ABLIM2: variants seen among roughly 807,000 people sequenced by gnomAD.
ABLIM2 encodes the protein actin-binding LIM protein 2.
A neutral mutation model predicts 97.7 loss-of-function variants in ABLIM2; 53 were observed. The observed-to-expected ratio is 0.54, with a 90% CI of 0.44 to 0.68. The LOEUF (loss-of-function observed/expected upper bound fraction) is 0.68. Ranked by LOEUF, ABLIM2 falls within the 30% of genes least tolerant of loss-of-function variation. ABLIM2 has a pLI of 0.00. For missense variants in ABLIM2, 835 were observed against 867.2 expected (o/e 0.96, Z 0.47); for synonymous variants, 361 against 345.8 (o/e 1.04, Z -0.49).
chr4:8,147,585 T>G lies in ABLIM2; in HGVS notation c.10+11095A>C, dbSNP rs1286336323. On this transcript the variant is annotated intron_variant, in intron 1 of 20. Transcript: ENST00000447017. This position sits in a 1 kb window ranked among gnomAD's most constrained non-coding sequence, Gnocchi z 5.3. Reference sequence around the variant, plus strand: ...GGAGACGACACACACAGGGGAGAAGTAGCATGAAGATGGAGCTGAGGGAGG... The same window carrying G: ...GGAGACGACACACACAGGGGAGAAGGAGCATGAAGATGGAGCTGAGGGAGG... 6.6e-6 allele frequency among the ~76,000 whole-genome samples: 1 copy of G among 152,100 alleles called. No individual in the cohort carries two copies. The highest frequency in any genetic ancestry group is 1.9e-4 in the East Asian group (1 of 5,192).
intron 9 of ABLIM2, among the ~76,000 whole-genome samples, chr4:8,036,809 G>A (rs1435001884): frequency 2.6e-5 from 4 of 152,162 alleles, no homozygotes; most frequent in African/African-American, 9.7e-5. Context: ...ATGTGTACAT[G>A]CACGCACACG....
rs1813292968 is a variant in ABLIM2 at position 8,072,962 on chromosome 4, A to G, written c.675+4666T>C. Among the ~76,000 whole-genome samples the G allele has an allele frequency of 1.3e-5, 2 of 152,106 alleles. No homozygotes were observed. The highest frequency in any genetic ancestry group is 2.1e-4 in the South Asian group (1 of 4,830). ...GGATCTGCAGAAGAGCAGGGAGAGT[A>G]CAGGTGGAGGAGCACAGAGAGGGTC... On this transcript the variant is annotated intron_variant, in intron 6 of 20. Transcript: ENST00000447017. This position sits in a 1 kb window ranked among gnomAD's most constrained non-coding sequence, Gnocchi z 5.8.
At chr4:8,010,818 C>A (rs74653659) in intron 14 of ABLIM2, 1 of 155,648 alleles carries the variant, frequency 6.4e-6, no homozygotes, top group African/African-American at 2.4e-5. Context: ...AGACAACAGC[C>A]GTCACCCGGC....
chr4:7,977,612 A>G (rs968310345), intron 20 of ABLIM2, among the ~76,000 whole-genome samples: 1 of 152,012 alleles, frequency 6.6e-6, no homozygotes, highest in African/African-American at 2.4e-5. Flanking sequence ...CACCATGGTG[A>G]AACCCCATCT....
At chr4:8,107,110 G>A (rs556357447) in intron 1 of ABLIM2, among the ~76,000 whole-genome samples, 7 of 152,240 alleles carry the variant, frequency 4.6e-5, no homozygotes, top group African/African-American at 9.6e-5. Flanking sequence ...CAGCAGCCAC[G>A]GTCCTCAGGG....
chr4:8,128,166 C>T lies in ABLIM2; in HGVS notation c.11-21529G>A, dbSNP rs1174782139. Among the ~76,000 whole-genome samples, 1 of 152,208 alleles carries T rather than the reference C, an allele frequency of 6.6e-6. No individual in the cohort carries two copies. Among genetic ancestry groups the T allele is most frequent in the Non-Finnish European group, 1.5e-5 (1 of 68,034 alleles). ...TCAGGGCTCCTGTTTCTGCCCCCACCTTCACAGGCCGTCTTCCCTGTGTGT... is the reference window on the plus strand; with the variant it reads ...TCAGGGCTCCTGTTTCTGCCCCCACTTTCACAGGCCGTCTTCCCTGTGTGT... On this transcript the variant is annotated intron_variant, in intron 1 of 20. Transcript: ENST00000447017. This position sits in a 1 kb window ranked among gnomAD's most constrained non-coding sequence, Gnocchi z 4.9.
At chr4:8,062,526 G>T (rs1803968888) in intron 6 of ABLIM2, among the ~76,000 whole-genome samples, 1 of 150,586 alleles carries the variant, frequency 6.6e-6, no homozygotes, top group African/African-American at 2.5e-5. Flanking sequence ...TGCAAGCTCT[G>T]CCCCCCAGGT....
chr4:8,137,582 T>C (rs1040221431), intron 1 of ABLIM2, among the ~76,000 whole-genome samples: 3 of 151,980 alleles, frequency 2.0e-5, no homozygotes, highest in Non-Finnish European at 4.4e-5. Flanking sequence ...GCACAGGCGG[T>C]GGTGAAGAAG....
Position 8,044,686 on chromosome 4 carries a change from T to TCG in ABLIM2, c.900+477_900+478insCG, listed in dbSNP as rs1791073243. ...CACACAGAGTCTCTCTCTCTCTCTC[T>TCG]CTCTCGAACGAACGAAAACGGGATC... On this transcript the variant is annotated intron_variant, in intron 9 of 20. Coordinates refer to ENST00000447017, the MANE Select transcript of ABLIM2 (RefSeq NM_001130083.2). This position sits in a 1 kb window ranked among gnomAD's most constrained non-coding sequence, Gnocchi z 4.4. Among the ~76,000 whole-genome samples, 1 of 151,014 alleles carries TCG rather than the reference T, an allele frequency of 6.6e-6. No individual in the cohort carries two copies. Among genetic ancestry groups the TCG allele is most frequent in the Non-Finnish European group, 1.5e-5 (1 of 67,826 alleles).
chr4:8,090,690 G>A (rs761338141), intron 3 of ABLIM2, among the ~76,000 whole-genome samples: 2 of 152,102 alleles, frequency 1.3e-5, no homozygotes, highest in Non-Finnish European at 1.5e-5. Flanking sequence ...CACTGTCACC[G>A]TGCATTAGAT....
At chr4:8,108,771 T>C (rs1105615) in intron 1 of ABLIM2, among the ~76,000 whole-genome samples, 124,390 of 152,270 alleles carry the variant, frequency 0.82, 50,982 homozygotes, top group Non-Finnish European at 0.84. Context: ...CTTGCCTGCC[T>C]GTGTGGGCAA....
chr4:8,078,733 A>T (rs6850525), intron 5 of ABLIM2, among the ~76,000 whole-genome samples: 95,456 of 152,070 alleles, frequency 0.63, 30,611 homozygotes, highest in Middle Eastern at 0.71. Context: ...AGCTTCCCCA[A>T]CTGCATAATG....
intron 14 of ABLIM2, among the ~76,000 whole-genome samples, chr4:8,009,996 T>G (rs1057377395): frequency 6.6e-6 from 1 of 152,188 alleles, no homozygotes; most frequent in Non-Finnish European, 1.5e-5. Context: ...GCTGGCAAAC[T>G]GCAAAATGGT....
rs944548165 is a variant in ABLIM2, at chr4:8,046,098, C to T, written c.823-857G>A. Among the ~76,000 whole-genome samples, 2 of 152,170 alleles carry T rather than the reference C, an allele frequency of 1.3e-5. No individual in the cohort carries two copies. Among genetic ancestry groups the T allele is most frequent in the African/African-American group, 2.4e-5 (1 of 41,420 alleles). On this transcript the variant is annotated intron_variant, in intron 8 of 20. Coordinates refer to ENST00000447017, the MANE Select transcript of ABLIM2 (RefSeq NM_001130083.2). The surrounding 1 kb of genome is among the most constrained non-coding windows in gnomAD (Gnocchi z 4.4). ...ACTGCACCTGTGGGCTTGTCCTGGC[C>T]TTTTTGCTGCTGTCACGCCTGGGAC...
At position 8,069,506 on chromosome 4, in the gene ABLIM2, G is replaced by A. The variant is rs1375082022; in HGVS notation, c.675+8122C>T. 2.0e-5 allele frequency among the ~76,000 whole-genome samples: 3 copies of A among 152,214 alleles called. No individual in the cohort carries two copies. Among genetic ancestry groups the A allele is most frequent in the Admixed American group, 1.3e-4 (2 of 15,284 alleles). Reference sequence around the variant, plus strand: ...AGGGTAGGACCAGGGGCTCTGATGCGCTGCCGGCATGAGGCAAGGCAGGAA... The same window carrying A: ...AGGGTAGGACCAGGGGCTCTGATGCACTGCCGGCATGAGGCAAGGCAGGAA... On this transcript the variant is annotated intron_variant, in intron 6 of 20. Transcript: ENST00000447017. The surrounding 1 kb of genome is among the most constrained non-coding windows in gnomAD (Gnocchi z 4.2).
At chr4:8,108,703 A>T (rs150823571) in intron 1 of ABLIM2, among the ~76,000 whole-genome samples, 2,278 of 152,340 alleles carry the variant, frequency 0.015, 65 homozygotes, top group African/African-American at 0.051. Context: ...CCCGAGGCCG[A>T]CAGCCTCCAT....
At chr4:8,118,127 C>T (rs1843608298) in intron 1 of ABLIM2, among the ~76,000 whole-genome samples, 1 of 152,248 alleles carries the variant, frequency 6.6e-6, no homozygotes, top group Non-Finnish European at 1.5e-5. Flanking sequence ...AAGGCTGCGG[C>T]TGTACTGAGC....
At chr4:8,156,355 CA>C (rs1175174096) in intron 1 of ABLIM2, among the ~76,000 whole-genome samples, 16 of 152,342 alleles carry the variant, frequency 1.1e-4, no homozygotes, top group African/African-American at 3.8e-4. Context: ...GAAACTGAGG[CA>C]GGGGGCGCCC....
At chr4:8,100,471 G>T (rs1266439879) in intron 2 of ABLIM2, among the ~76,000 whole-genome samples, 1 of 152,166 alleles carries the variant, frequency 6.6e-6, no homozygotes, top group Non-Finnish European at 1.5e-5. Context: ...TGAAGGCAGG[G>T]TGCGGTGGCT....
Sources: allele counts gnomAD v4.1 joint callset (sites outside exome capture counted in the v4.1 genomes callset), GRCh38; gene constraint gnomAD v4.1.1; non-coding constraint Gnocchi (gnomAD v3.1); transcripts MANE v1.5; gene names NCBI Gene and HGNC (gene_info 2026-07-23, HGNC 2026-07-21).